Variants in MEI4 observed in about 807,000 individuals in gnomAD.
MEI4 encodes the protein meiosis-specific protein MEI4.
Under a neutral mutation model 31.4 loss-of-function variants are expected in MEI4, and 27 were observed. The observed-to-expected ratio is 0.86, with a 90% CI of 0.63 to 1.19. The LOEUF (loss-of-function observed/expected upper bound fraction) is 1.19. Ranked by LOEUF, MEI4 falls within the 50% of genes most tolerant of loss-of-function variation. The pLI, the probability that MEI4 is intolerant of heterozygous loss-of-function variation, is 0.00. For synonymous variants in MEI4, 122 were observed against 145.4 expected (o/e 0.84, Z 1.16); for missense variants, 329 against 398.9 (o/e 0.82, Z 1.49).
intron 3 of MEI4, among the ~76,000 whole-genome samples, chr6:77,771,347 AAATT>A (rs1251432683): frequency 6.6e-6 from 1 of 152,120 alleles, no homozygotes; most frequent in Non-Finnish European, 1.5e-5. Flanking sequence ...GGGGGAGTGT[AAATT>A]AATTCAGCCA....
chr6:77,662,628 C>T (rs1021409723), intron 1 of MEI4, among the ~76,000 whole-genome samples: 7 of 152,228 alleles, frequency 4.6e-5, no homozygotes, highest in East Asian at 1.9e-4. Flanking sequence ...ATTAATGCAG[C>T]GGCAGCCACT....
chr6:77,732,620 T>C (rs2127668440), intron 2 of MEI4, among the ~76,000 whole-genome samples: 1 of 152,092 alleles, frequency 6.6e-6, no homozygotes, highest in Non-Finnish European at 1.5e-5. Context: ...ACCCTTTATT[T>C]CCTTCTCCTG....
intron 3 of MEI4, among the ~76,000 whole-genome samples, chr6:77,794,200 C>T (rs562499283): frequency 6.6e-6 from 1 of 152,214 alleles, no homozygotes; most frequent in East Asian, 1.9e-4. Flanking sequence ...GACACAGACA[C>T]AAAAATTCAC....
At chr6:77,728,963 G>A (rs1415588622) in intron 2 of MEI4, among the ~76,000 whole-genome samples, 1 of 152,206 alleles carries the variant, frequency 6.6e-6, no homozygotes, top group Non-Finnish European at 1.5e-5. Flanking sequence ...GCCCATAAGG[G>A]AGGTGATAAT....
intron 3 of MEI4, among the ~76,000 whole-genome samples, chr6:77,765,745 T>C (rs1056403081): frequency 1.2e-4 from 18 of 150,046 alleles, no homozygotes; most frequent in Non-Finnish European, 1.9e-4. Flanking sequence ...CACATATGTT[T>C]ATTGCAGCAC....
At chr6:77,699,906 C>A (rs1272664130) in intron 2 of MEI4, among the ~76,000 whole-genome samples, 1 of 152,186 alleles carries the variant, frequency 6.6e-6, no homozygotes, top group African/African-American at 2.4e-5. Context: ...GGCTGTAGAA[C>A]AGCGGATTTT....
intron 2 of MEI4, among the ~76,000 whole-genome samples, chr6:77,744,344 C>A (rs1454245672): frequency 6.6e-6 from 1 of 151,852 alleles, no homozygotes; most frequent in African/African-American, 2.4e-5. Context: ...GGAGCCGATG[C>A]AATCAACTGG....
At chr6:77,895,635 A>G (rs1766067616) in intron 4 of MEI4, among the ~76,000 whole-genome samples, 2 of 151,870 alleles carry the variant, frequency 1.3e-5, no homozygotes, top group African/African-American at 4.8e-5. Context: ...TTATTTATTT[A>G]CTTCTTTATC....
At chr6:77,841,710 A>G (rs1344609698) in intron 4 of MEI4, among the ~76,000 whole-genome samples, 2 of 152,148 alleles carry the variant, frequency 1.3e-5, no homozygotes, top group East Asian at 3.9e-4. Context: ...ATTAAAGTGG[A>G]AGCTAATAAG....
chr6:77,692,408 G>T (rs893378458), intron 2 of MEI4, among the ~76,000 whole-genome samples: 3 of 151,972 alleles, frequency 2.0e-5, no homozygotes, highest in Non-Finnish European at 2.9e-5. Context: ...TTGTTGCCCA[G>T]CTCAAAGCCT....
In MEI4 at chr6:77,799,269, T is replaced by C. The variant is rs531947787; in HGVS notation, c.769-29662T>C. On this transcript the variant is annotated intron_variant, in intron 3 of 4. Coordinates refer to ENST00000684080, the MANE Select transcript of MEI4 (RefSeq NM_001322247.2). ...TGATGGTGAGCATTTTTTCCTGTGTTTTTTGGCTGCATAAATGTCTTCTTT... is the reference window on the plus strand; with the variant it reads ...TGATGGTGAGCATTTTTTCCTGTGTCTTTTGGCTGCATAAATGTCTTCTTT... 1.5e-4 allele frequency among the ~76,000 whole-genome samples: 23 copies of C among 152,270 alleles called. No homozygotes were observed. The South Asian group carries it at 3.9e-3, about 26-fold the overall frequency.
chr6:77,854,663 T>G (rs889701486), intron 4 of MEI4, among the ~76,000 whole-genome samples: 3 of 152,134 alleles, frequency 2.0e-5, no homozygotes, highest in African/African-American at 7.2e-5. Context: ...GTCTGGCTTG[T>G]GACACTTATG....
chr6:77,822,897 C>G (rs1485092818), intron 3 of MEI4, among the ~76,000 whole-genome samples: 1 of 152,030 alleles, frequency 6.6e-6, no homozygotes, highest in Non-Finnish European at 1.5e-5. Context: ...GCTGGGATTA[C>G]AGGTGTGAGC....
chr6:77,671,753 G>C (rs1320060782), intron 1 of MEI4, among the ~76,000 whole-genome samples: 1 of 152,078 alleles, frequency 6.6e-6, no homozygotes. Flanking sequence ...TTTGGGAGCT[G>C]GTAGATGAAG....
intron 3 of MEI4, among the ~76,000 whole-genome samples, chr6:77,807,147 G>GTT (rs11336125): frequency 1.0e-4 from 15 of 142,972 alleles, no homozygotes; most frequent in Middle Eastern, 3.3e-3. Context: ...TGCTTCATAA[G>GTT]TTTTTTTTTT....
intron 3 of MEI4, among the ~76,000 whole-genome samples, chr6:77,772,218 C>T (rs1364502583): frequency 6.8e-6 from 1 of 147,506 alleles, no homozygotes; most frequent in Non-Finnish European, 1.5e-5. Context: ...TCTAAATGGC[C>T]AATATTACCC....
At chr6:77,912,633 A>T in intron 4 of MEI4, among the ~76,000 whole-genome samples, 1 of 152,036 alleles carries the variant, frequency 6.6e-6, no homozygotes, top group East Asian at 1.9e-4. Flanking sequence ...TAGTGTCTAG[A>T]AATTCTACAG....
intron 4 of MEI4, among the ~76,000 whole-genome samples, chr6:77,866,586 G>C (rs1333810957): frequency 3.9e-5 from 6 of 152,098 alleles, no homozygotes; most frequent in Non-Finnish European, 5.9e-5. Context: ...AGGATACAAA[G>C]AAATGGAAAA....
intron 3 of MEI4, among the ~76,000 whole-genome samples, chr6:77,828,462 T>C (rs544713376): frequency 6.6e-6 from 1 of 152,230 alleles, no homozygotes; most frequent in African/African-American, 2.4e-5. Flanking sequence ...TTATGAGTGA[T>C]GATCTGACGT....
Sources: gnomAD v4.1 joint callset for allele counts (sites outside exome capture counted in the v4.1 genomes callset) on GRCh38, gnomAD v4.1.1 for gene constraint, MANE v1.5 for transcripts, NCBI Gene and HGNC (gene_info 2026-07-23, HGNC 2026-07-21) for gene names.